CEMIP: variants seen among roughly 807,000 people sequenced by gnomAD.
The protein encoded by CEMIP is cell migration-inducing and hyaluronan-binding protein.
A neutral mutation model predicts 156.9 loss-of-function variants in CEMIP; 105 were observed. The ratio of observed to expected loss-of-function variants is 0.67; its 90% CI spans 0.57 to 0.79. The LOEUF (loss-of-function observed/expected upper bound fraction) is 0.79. Among genes scored for constraint, CEMIP ranks in the 30% least tolerant of loss-of-function variants. The pLI is 0.00. For missense variants in CEMIP, 1,457 were observed against 1,769.4 expected, an observed-to-expected ratio of 0.82 and a Z score of 3.17; for synonymous variants, 676 against 668.4, an observed-to-expected ratio of 1.01 and a Z score of -0.17.
Position 80,930,644 on chromosome 15 carries a change from G to A in CEMIP, c.2613-1215G>A, listed in dbSNP as rs544434372. Among the ~76,000 whole-genome samples the A allele has an allele frequency of 1.2e-4, 18 of 152,196 alleles. No individual in the cohort carries two copies. In the East Asian group the frequency reaches 2.5e-3, roughly 21 times the overall value. ...ATCATGATGTTAATCAATTATAAAC[G>A]TAAAAATATAGAAATGCAAGGAGTC... On this transcript the variant is annotated intron_variant, in intron 21 of 29. Transcript: ENST00000394685.
At chr15:80,841,439 T>C (rs1421479542) in intron 1 of CEMIP, among the ~76,000 whole-genome samples, 1 of 152,148 alleles carries the variant, frequency 6.6e-6, no homozygotes, top group East Asian at 1.9e-4. Context: ...CTTTCCCTGC[T>C]CCTCCTAAAG....
At chr15:80,854,372 A>G (rs1897792173) in intron 1 of CEMIP, among the ~76,000 whole-genome samples, 1 of 152,236 alleles carries the variant, frequency 6.6e-6, no homozygotes, top group Non-Finnish European at 1.5e-5. Flanking sequence ...AGCTCCTGGG[A>G]GACCAGGCTG....
chr15:80,868,566 C>T (rs922135905), intron 1 of CEMIP, among the ~76,000 whole-genome samples: 6 of 152,192 alleles, frequency 3.9e-5, no homozygotes, highest in African/African-American at 1.4e-4. Context: ...TATAATCTCT[C>T]ATATTCCTAT....
intron 14 of CEMIP, among the ~76,000 whole-genome samples, chr15:80,911,018 T>C (rs1016479471): frequency 3.3e-5 from 5 of 152,238 alleles, no homozygotes; most frequent in Admixed American, 6.5e-5. Context: ...TGGGTTGCGA[T>C]TGGAGTTCTG....
chr15:80,859,022 C>T (rs990452244), intron 1 of CEMIP, among the ~76,000 whole-genome samples: 1 of 152,206 alleles, frequency 6.6e-6, no homozygotes, highest in Non-Finnish European at 1.5e-5. Flanking sequence ...CCAGCAACTC[C>T]AGGCTTGCCA....
At chr15:80,823,903 C>G (rs982042269) in intron 1 of CEMIP, among the ~76,000 whole-genome samples, 4 of 152,200 alleles carry the variant, frequency 2.6e-5, no homozygotes, top group African/African-American at 9.6e-5. Context: ...CTATCCCTGT[C>G]TCACAGATGG....
chr15:80,907,122 T>C (rs1381287180), intron 13 of CEMIP, among the ~76,000 whole-genome samples: 3 of 152,250 alleles, frequency 2.0e-5, no homozygotes, highest in African/African-American at 4.8e-5. Flanking sequence ...AACATTGCCT[T>C]CATTCCTTGT....
intron 1 of CEMIP, among the ~76,000 whole-genome samples, chr15:80,820,932 A>G (rs1896894515): frequency 6.6e-6 from 1 of 152,252 alleles, no homozygotes; most frequent in Non-Finnish European, 1.5e-5. Flanking sequence ...CAAGGGGAGG[A>G]TCAAGTAAAC....
chr15:80,784,996 A>T (rs780831321), intron 1 of CEMIP, among the ~76,000 whole-genome samples: 1 of 152,186 alleles, frequency 6.6e-6, no homozygotes, highest in Non-Finnish European at 1.5e-5. Flanking sequence ...AAATTCTTGG[A>T]GATAATTATT....
intron 1 of CEMIP, among the ~76,000 whole-genome samples, chr15:80,782,821 G>A (rs911877894): frequency 6.6e-6 from 1 of 152,242 alleles, no homozygotes; most frequent in Non-Finnish European, 1.5e-5. Flanking sequence ...CAGAGCAGGA[G>A]GACATGGGGC....
chr15:80,794,384 CTCTGGGGATGCAG>C (rs2141586085), intron 1 of CEMIP, among the ~76,000 whole-genome samples: 1 of 152,236 alleles, frequency 6.6e-6, no homozygotes, highest in South Asian at 2.1e-4. Context: ...GGCTGCTAGG[CTCTGGGGATGCAG>C]CAGTGACCAA....
chr15:80,916,325 TC>T (rs1460580602), intron 14 of CEMIP, among the ~76,000 whole-genome samples: 1 of 152,210 alleles, frequency 6.6e-6, no homozygotes, highest in African/African-American at 2.4e-5. Context: ...AGGAGTTTTC[TC>T]CTACACAATC....
chr15:80,884,793 A>G (rs1268060355), intron 7 of CEMIP, among the ~76,000 whole-genome samples: 1 of 152,242 alleles, frequency 6.6e-6, no homozygotes, highest in African/African-American at 2.4e-5. Flanking sequence ...ACCCTTTGAC[A>G]TGATCTAATA....
intron 1 of CEMIP, among the ~76,000 whole-genome samples, chr15:80,823,282 G>A (rs184078067): frequency 8.7e-4 from 133 of 152,270 alleles, no homozygotes; most frequent in South Asian, 6.2e-3. Flanking sequence ...AAGTCGTTCC[G>A]TTGATGGCAA....
rs756549684 is a variant in CEMIP at position 80,936,902 on chromosome 15, C to T, written c.3221+17C>T. ...CTTCAACAAGTGAGTGGGTGTCCAG[C>T]CAGGAGCAGTGAGCTCAAAGCTGAT... is the stretch of plus-strand genomic sequence containing the variant. On this transcript the variant is annotated intron_variant, in intron 24 of 29. Coordinates refer to ENST00000394685, the MANE Select transcript of CEMIP (RefSeq NM_001293298.2). 1 of 1,611,394 alleles carries T rather than the reference C, an allele frequency of 6.2e-7. No individual in the cohort carries two copies. Among genetic ancestry groups the T allele is most frequent in the African/African-American group, 1.3e-5 (1 of 75,022 alleles).
At chr15:80,920,320 C>A in intron 15 of CEMIP, 21 bp downstream of exon 15, 1 of 1,606,222 alleles carries the variant, frequency 6.2e-7, no homozygotes, top group Non-Finnish European at 8.5e-7. Flanking sequence ...GGACCCCTCT[C>A]TGTGTGCTGG....
intron 22 of CEMIP, 23 bp from the exon 23 acceptor site, chr15:80,933,222 T>A (rs1490194908): frequency 6.2e-7 from 1 of 1,606,948 alleles, no homozygotes; most frequent in Non-Finnish European, 8.5e-7. Context: ...TAGCCCTGCC[T>A]AACTTTCCTG....
chr15:80,906,591 C>A lies in CEMIP; in HGVS notation c.1412-72C>A. Reference sequence around the variant, plus strand: ...TGAGTAAGCAGCAGCCATGGAGGCACCTGGCAGGGGCCCAGAACTCAGTGG... The same window carrying A: ...TGAGTAAGCAGCAGCCATGGAGGCAACTGGCAGGGGCCCAGAACTCAGTGG... On this transcript the variant is annotated intron_variant, in intron 12 of 29. Coordinates refer to ENST00000394685, the MANE Select transcript of CEMIP (RefSeq NM_001293298.2). This position sits in a 1 kb window ranked among gnomAD's most constrained non-coding sequence, Gnocchi z 4.3. 2 of 1,495,596 alleles carry A rather than the reference C, an allele frequency of 1.3e-6. No individual in the cohort carries two copies. The allele number at this position is 1,495,596 out of a possible 1,614,324, so 92.6% of individuals were successfully genotyped here.
At chr15:80,911,629 G>A (rs1033108450) in intron 14 of CEMIP, among the ~76,000 whole-genome samples, 2 of 152,180 alleles carry the variant, frequency 1.3e-5, no homozygotes, top group Non-Finnish European at 2.9e-5. Flanking sequence ...ACTTGACCAG[G>A]CAGGTCTTCA....
Sources: allele counts gnomAD v4.1 joint callset (sites outside exome capture counted in the v4.1 genomes callset), GRCh38; gene constraint gnomAD v4.1.1; non-coding constraint Gnocchi (gnomAD v3.1); transcripts MANE v1.5; gene names NCBI Gene and HGNC (gene_info 2026-07-23, HGNC 2026-07-21).